The following EML1 variants were observed in gnomAD, a reference collection of about 807,000 sequenced individuals.
The protein encoded by EML1 is EMAP like 1.
Under a neutral mutation model 110.4 loss-of-function variants are expected in EML1, and 27 were observed. The ratio of observed to expected loss-of-function variants is 0.24; its 90% confidence interval spans 0.18 to 0.34. The LOEUF (loss-of-function observed/expected upper bound fraction) is 0.34, where lower values mean the gene tolerates loss of function less well. Among genes scored for constraint, EML1 ranks in the 10% least tolerant of loss-of-function variants. The probability of loss-of-function intolerance (pLI) is 1.00; values close to 1 mark genes in which losing one functional copy is unlikely to be tolerated. For missense variants in EML1, 741 were observed against 1,030.9 expected (o/e 0.72, Z 3.85); for synonymous variants, 344 against 385.8 (o/e 0.89, Z 1.27).
At chr14:99,910,404 G>A (rs1289981109) in intron 12 of EML1, 63 bp downstream of exon 12, 4 of 1,316,212 alleles carry the variant, frequency 3.0e-6, no homozygotes, top group African/African-American at 3.0e-5. Context: ...TCAAACATGA[G>A]TGCTTTAAGA....
At chr14:99,791,769 G>A (rs1438510683), upstream of EML1, among the ~76,000 whole-genome samples, 5 of 152,126 alleles carry the variant, frequency 3.3e-5, no homozygotes, top group East Asian at 7.7e-4. Flanking sequence ...GCCTGCCTGC[G>A]TGAACCCTCC....
chr14:99,826,091 G>A (rs868000775), intron 1 of EML1, among the ~76,000 whole-genome samples: 2 of 146,986 alleles, frequency 1.4e-5, no homozygotes, highest in African/African-American at 5.1e-5. Flanking sequence ...TTTAAAGTCT[G>A]CTTCTGTGCA....
intron 9 of EML1, chr14:99,907,161 TCTCAGCCAGGCCCAGTGG>T (rs1566930599): frequency 6.5e-6 from 1 of 154,186 alleles, no homozygotes; most frequent in Non-Finnish European, 1.4e-5. Context: ...AGAAAGCATG[TCTCAGCCAGGCCCAGTGG>T]CTCAGCCAGG....
upstream of EML1, among the ~76,000 whole-genome samples, chr14:99,772,272 C>A (rs2057435261): frequency 6.6e-6 from 1 of 152,250 alleles, no homozygotes; most frequent in African/African-American, 2.4e-5. Context: ...ATATGCCTTG[C>A]AAACTGTGTG....
intron 1 of EML1, among the ~76,000 whole-genome samples, chr14:99,795,793 T>A (rs2057759752): frequency 1.3e-5 from 2 of 152,196 alleles, no homozygotes; most frequent in African/African-American, 4.8e-5. Context: ...AACTCATACA[T>A]TTTCATATGT....
intron 4 of EML1, among the ~76,000 whole-genome samples, chr14:99,887,014 C>T (rs1272188478): frequency 1.3e-5 from 2 of 152,226 alleles, no homozygotes; most frequent in Non-Finnish European, 2.9e-5. Context: ...GTGTTGACCG[C>T]ACTGGTGTCT....
rs766666706 is a variant in EML1, at chr14:99,917,869, G to T, written c.1820+20G>T. On this transcript the variant is annotated intron_variant, in intron 16 of 21. Transcript: ENST00000262233. ...TGGGAGGTAAGTCCATGCCAACAGCGCTTGTGCTTGCAAAGCTTATGGAAA... is the reference window on the plus strand; with the variant it reads ...TGGGAGGTAAGTCCATGCCAACAGCTCTTGTGCTTGCAAAGCTTATGGAAA... 1 of 1,613,330 alleles carries T rather than the reference G, an allele frequency of 6.2e-7. No homozygotes were observed. The highest frequency in any genetic ancestry group is 2.2e-5 in the East Asian group (1 of 44,882).
chr14:99,838,927 G>GTT (rs2058587776), intron 1 of EML1: 1 of 143,750 alleles, frequency 7.0e-6, no homozygotes, highest in Non-Finnish European at 1.6e-5. Context: ...GCGTGTGTGT[G>GTT]TGTGCGCGCG....
At chr14:99,838,906 T>TGCGCGCGCGCGCGTGTGTGTGTGTGC (rs1204936902) in intron 1 of EML1, 1 of 143,476 alleles carries the variant, frequency 7.0e-6, no homozygotes, top group Non-Finnish European at 1.5e-5. Flanking sequence ...GGTTGGGGAG[T>TGCGCGCGCGCGCGTGTGTGTGTGTGC]GCGCGCGCGC....
intron 1 of EML1, among the ~76,000 whole-genome samples, chr14:99,765,052 C>A (rs1022199462): frequency 6.6e-6 from 1 of 152,082 alleles, no homozygotes; most frequent in Non-Finnish European, 1.5e-5. Flanking sequence ...ATCCTCCCAC[C>A]TCAGCCTCCC....
intron 20 of EML1, 149 bp downstream of exon 20, chr14:99,938,061 C>T (rs1043050593): frequency 2.7e-6 from 2 of 744,500 alleles, no homozygotes; most frequent in African/African-American, 1.8e-5. Context: ...CCTGCCGCAC[C>T]CTGGGGTAGG....
chr14:99,901,068 T>A, intron 9 of EML1, 29 bp downstream of exon 9: 1 of 1,577,348 alleles, frequency 6.3e-7, no homozygotes, highest in Non-Finnish European at 8.7e-7. Context: ...GATATTGCTG[T>A]CTTCTTCCAC....
At chr14:99,824,475 A>G (rs957735365) in intron 1 of EML1, among the ~76,000 whole-genome samples, 2 of 151,282 alleles carry the variant, frequency 1.3e-5, no homozygotes, top group Non-Finnish European at 2.9e-5. Context: ...GCAAATCAAA[A>G]TCACAATAAT....
intron 1 of EML1, among the ~76,000 whole-genome samples, chr14:99,796,432 G>A (rs1420200967): frequency 6.6e-6 from 1 of 151,808 alleles, no homozygotes; most frequent in Middle Eastern, 3.4e-3. Flanking sequence ...AGCAGAAAAT[G>A]TGTGCATTGT....
intron 17 of EML1, among the ~76,000 whole-genome samples, chr14:99,921,282 A>G (rs1202627205): frequency 1.3e-5 from 2 of 152,172 alleles, no homozygotes; most frequent in Non-Finnish European, 2.9e-5. Context: ...ATATTATTCC[A>G]TGGTGTATAT....
chr14:99,849,027 G>A (rs12433613), intron 1 of EML1, among the ~76,000 whole-genome samples: 37,966 of 151,606 alleles, frequency 0.25, 5,168 homozygotes, highest in Non-Finnish European at 0.3. Context: ...AAAAAAATGA[G>A]TCTTTGAACT....
intron 1 of EML1, among the ~76,000 whole-genome samples, chr14:99,764,762 G>T (rs2057350577): frequency 6.6e-6 from 1 of 152,232 alleles, no homozygotes; most frequent in Admixed American, 6.5e-5. Flanking sequence ...CTTGGAGCAG[G>T]ATGTGATACA....
chr14:99,905,666 A>C lies in EML1; in HGVS notation c.1009-1972A>C, dbSNP rs1186132921. 6.6e-6 allele frequency among the ~76,000 whole-genome samples: 1 copy of C among 152,208 alleles called. No homozygotes were observed. The highest frequency in any genetic ancestry group is 2.4e-5 in the African/African-American group (1 of 41,458). On this transcript the variant is annotated intron_variant, in intron 9 of 21. Transcript: ENST00000262233. This position sits in a 1 kb window ranked among gnomAD's most constrained non-coding sequence, Gnocchi z 4.1. ...ACCCTTAGCCATCAGCAAAGAGTGC[A>C]AGGCAGATAAACCCAAAGATGATAA... is the stretch of plus-strand genomic sequence containing the variant.
chr14:99,798,280 T>C (rs2057811811), intron 1 of EML1, among the ~76,000 whole-genome samples: 1 of 152,186 alleles, frequency 6.6e-6, no homozygotes, highest in African/African-American at 2.4e-5. Flanking sequence ...TGTTTCCTTT[T>C]GTCTGTATTT....
Sources: gnomAD v4.1 joint callset for allele counts (sites outside exome capture counted in the v4.1 genomes callset) on GRCh38, gnomAD v4.1.1 for gene constraint, Gnocchi (gnomAD v3.1) non-coding constraint, MANE v1.5 for transcripts, NCBI Gene and HGNC (gene_info 2026-07-23, HGNC 2026-07-21) for gene names.